The following COG5 variants were observed in gnomAD, a reference collection of about 807,000 sequenced individuals.
COG5 encodes the protein conserved oligomeric Golgi complex subunit 5.
A neutral mutation model predicts 110.4 loss-of-function variants in COG5; 86 were observed. The ratio of observed to expected loss-of-function variants is 0.78; its 90% CI spans 0.65 to 0.93. The LOEUF is 0.93. Among genes scored for constraint, COG5 ranks in the 40% least tolerant of loss-of-function variants. The pLI is 0.00. For synonymous variants in COG5, 360 were observed against 334.6 expected, an observed-to-expected ratio of 1.08 and a Z score of -0.83; for missense variants, 1,077 against 987.0, an observed-to-expected ratio of 1.09 and a Z score of -1.22.
intron 7 of COG5, among the ~76,000 whole-genome samples, chr7:107,408,400 A>G (rs1449444521): frequency 6.6e-6 from 1 of 152,206 alleles, no homozygotes; most frequent in Non-Finnish European, 1.5e-5. Flanking sequence ...AGGAGAAGAT[A>G]TATTTGACAA....
At chr7:107,387,730 C>T (rs371419939) in intron 7 of COG5, among the ~76,000 whole-genome samples, 1 of 152,208 alleles carries the variant, frequency 6.6e-6, no homozygotes, top group Non-Finnish European at 1.5e-5. Context: ...CTCAATCACT[C>T]GATCTGGGTT....
intron 17 of COG5, among the ~76,000 whole-genome samples, chr7:107,243,127 G>A (rs1015342586): frequency 1.3e-5 from 2 of 152,030 alleles, no homozygotes; most frequent in African/African-American, 4.8e-5. Flanking sequence ...TAACGGTAAG[G>A]GTTCAATTCA....
chr7:107,548,330 C>T lies in COG5; in HGVS notation c.295G>A (p.Val99Ile). 1 of 1,613,784 alleles carries T rather than the reference C, an allele frequency of 6.2e-7. No individual in the cohort carries two copies. ...QATGIESLEG[V>I]LQMMQTRIGA... is the part of the protein sequence containing the mutation. ...ATTCTCGTCTGCATCATCTGAAGAACACCTAGGAAAACATAAGTTTACATT... is the reference window on the plus strand; with the variant it reads ...ATTCTCGTCTGCATCATCTGAAGAATACCTAGGAAAACATAAGTTTACATT... Residue 99 changes from valine (V) to isoleucine (I), a missense_variant and splice_region_variant, in exon 4 of 22, where the codon GTT becomes ATT. Physicochemically the swap from Val to Ile is conservative, Grantham distance 29. Transcript: ENST00000297135.
At chr7:107,539,940 G>A (rs1801856415) in intron 5 of COG5, among the ~76,000 whole-genome samples, 1 of 152,154 alleles carries the variant, frequency 6.6e-6, no homozygotes. Context: ...AATTGTCTCA[G>A]ATTACCACTG....
At chr7:107,341,824 C>T (rs917500649) in intron 10 of COG5, among the ~76,000 whole-genome samples, 1 of 152,038 alleles carries the variant, frequency 6.6e-6, no homozygotes, top group Admixed American at 6.6e-5. Context: ...AACTGGTAAG[C>T]CATAGGCAGA....
chr7:107,413,683 T>TA (rs1326369155), intron 6 of COG5, among the ~76,000 whole-genome samples: 3 of 152,212 alleles, frequency 2.0e-5, no homozygotes, highest in African/African-American at 7.2e-5. Context: ...CAAGTCTTTA[T>TA]ATATCTGCTC....
At chr7:107,323,147 A>G (rs1809448830) in intron 11 of COG5, among the ~76,000 whole-genome samples, 2 of 152,232 alleles carry the variant, frequency 1.3e-5, no homozygotes, top group Admixed American at 1.3e-4. Flanking sequence ...CTGCATATAA[A>G]TTATATCTCA....
At chr7:107,270,580 C>G (rs1400924702) in intron 14 of COG5, among the ~76,000 whole-genome samples, 2 of 151,706 alleles carry the variant, frequency 1.3e-5, no homozygotes, top group Non-Finnish European at 2.9e-5. Context: ...TTTTGAATTA[C>G]CAAAAGTGAA....
At chr7:107,283,465 A>T in intron 13 of COG5, 106 bp downstream of exon 13, 1 of 962,464 alleles carries the variant, frequency 1.0e-6, no homozygotes, top group Non-Finnish European at 1.6e-6. Flanking sequence ...TTGTGGGCCT[A>T]ATTACTTGAA....
At chr7:107,349,440 C>CAGA (rs1266445554) in intron 10 of COG5, among the ~76,000 whole-genome samples, 1 of 152,134 alleles carries the variant, frequency 6.6e-6, no homozygotes, top group African/African-American at 2.4e-5. Context: ...GCTCTGTCGC[C>CAGA]CAGGCTGGAG....
At chr7:107,285,991 A>G (rs1486070269) in intron 12 of COG5, among the ~76,000 whole-genome samples, 1 of 152,214 alleles carries the variant, frequency 6.6e-6, no homozygotes, top group Admixed American at 6.5e-5. Flanking sequence ...AGAGAAAAAT[A>G]AAGCAAGGAA....
chr7:107,467,634 G>C (rs565475192), intron 6 of COG5, among the ~76,000 whole-genome samples: 3 of 152,248 alleles, frequency 2.0e-5, no homozygotes, highest in Non-Finnish European at 2.9e-5. Context: ...TTACAGGTGA[G>C]AGCCACTGCA....
In COG5 at chr7:107,429,827, A is replaced by C. The variant is rs1206320449; in HGVS notation, c.539-17195T>G. 3.3e-5 allele frequency among the ~76,000 whole-genome samples: 5 copies of C among 152,046 alleles called. No homozygotes were observed. The East Asian group carries it at 9.6e-4, about 29-fold the overall frequency. ...TGCTGCCATGTGAGACGTGCCTTTCACCTTCCACCATGATAATGAGGCCTC... is the reference window on the plus strand; with the variant it reads ...TGCTGCCATGTGAGACGTGCCTTTCCCCTTCCACCATGATAATGAGGCCTC... On this transcript the variant is annotated intron_variant, in intron 6 of 21. Transcript: ENST00000297135.
chr7:107,501,409 G>A (rs534767491), intron 6 of COG5, among the ~76,000 whole-genome samples: 3 of 152,150 alleles, frequency 2.0e-5, no homozygotes, highest in East Asian at 1.9e-4. Context: ...AGGGGTGATA[G>A]CAAGGTAAAA....
intron 17 of COG5, among the ~76,000 whole-genome samples, chr7:107,242,179 C>G (rs981642876): frequency 3.3e-5 from 5 of 152,186 alleles, no homozygotes; most frequent in Non-Finnish European, 7.3e-5. Context: ...TGGAGAGGAA[C>G]AGACCCCTTC....
Position 107,242,361 on chromosome 7 carries a change from C to T in COG5, c.1854-5674G>A, listed in dbSNP as rs186386042. Among the ~76,000 whole-genome samples the T allele has an allele frequency of 2.2e-3, 337 of 152,268 alleles. 2 individuals are homozygous for T. Among genetic ancestry groups the T allele is most frequent in the African/African-American group, 7.0e-3 (290 of 41,548 alleles). On this transcript the variant is annotated intron_variant, in intron 17 of 21. Coordinates refer to ENST00000297135, the MANE Select transcript of COG5 (RefSeq NM_006348.5). The stretch of plus-strand genomic sequence containing the variant: ...TGGTAACTCCAAGCACTGGAAAATC[C>T]GAGTCTACTAGGGACTGGAATGGGC...
At chr7:107,241,932 C>A (rs1366282064) in intron 17 of COG5, among the ~76,000 whole-genome samples, 1 of 152,102 alleles carries the variant, frequency 6.6e-6, no homozygotes, top group Non-Finnish European at 1.5e-5. Context: ...CCGATGCACA[C>A]CACGACACCC....
intron 6 of COG5, among the ~76,000 whole-genome samples, chr7:107,523,414 A>C (rs1221493373): frequency 1.3e-5 from 2 of 152,044 alleles, no homozygotes; most frequent in Non-Finnish European, 2.9e-5. Context: ...TGAAAACTCA[A>C]AACAAGATAC....
chr7:107,365,066 A>G (rs1385577278), intron 8 of COG5, among the ~76,000 whole-genome samples: 1 of 152,114 alleles, frequency 6.6e-6, no homozygotes, highest in African/African-American at 2.4e-5. Flanking sequence ...TTCCTGGAAT[A>G]TGTATGACTT....
Sources: gnomAD v4.1 joint callset for allele counts (sites outside exome capture counted in the v4.1 genomes callset) on GRCh38, gnomAD v4.1.1 for gene constraint, MANE v1.5 for transcripts, NCBI Gene and HGNC (gene_info 2026-07-23, HGNC 2026-07-21) for gene names.